The following MDN1 variants were observed in gnomAD, a reference collection of about 807,000 sequenced individuals.
The protein encoded by MDN1 is midasin.
In MDN1, 266 loss-of-function variants were observed where a neutral mutation model predicts 669.2. That is an observed-to-expected ratio of 0.40 (90% CI 0.36 to 0.44). MDN1 has a LOEUF of 0.44. Among genes scored for constraint, MDN1 ranks in the 20% least tolerant of loss-of-function variants. The pLI is 1.00. For missense variants in MDN1, 5,940 were observed against 6,754.0 expected (o/e 0.88, Z 4.22); for synonymous variants, 2,385 against 2,457.1 (o/e 0.97, Z 0.87).
chr6:89,694,839 C>A (rs1228511470), intron 61 of MDN1, among the ~76,000 whole-genome samples: 6 of 152,106 alleles, frequency 3.9e-5, no homozygotes, highest in Admixed American at 3.3e-4. Context: ...AGGGTGAGGC[C>A]ACCACACCCA....
intron 26 of MDN1, 144 bp from the exon 27 acceptor site, chr6:89,747,614 G>T: frequency 1.0e-6 from 1 of 978,706 alleles, no homozygotes; most frequent in Non-Finnish European, 1.5e-6. Context: ...TTTTTTGGCC[G>T]GGCGTGGTGG....
Position 89,734,687 on chromosome 6 carries a change from A to C in MDN1, c.4724-1912T>G, listed in dbSNP as rs1352352117. Among the ~76,000 whole-genome samples, 3 of 54,788 alleles carry C rather than the reference A, an allele frequency of 5.5e-5. No homozygotes were observed. The East Asian group carries it at 5.9e-3, about 108-fold the overall frequency. The allele number at this position is 54,788 out of a possible 152,430, so 35.9% of individuals were successfully genotyped here. ...AGGAAGAAGAAAAAAAAAAAAAAAA[A>C]AACAAGAGAGAGAGAGAGAGAGAGA... On this transcript the variant is annotated intron_variant, in intron 33 of 101. Transcript: ENST00000369393.
intron 15 of MDN1, among the ~76,000 whole-genome samples, chr6:89,767,802 T>C (rs1817872895): frequency 6.6e-6 from 1 of 151,774 alleles, no homozygotes; most frequent in African/African-American, 2.4e-5. Context: ...TCCCAGCCCT[T>C]TGGGAGGTCA....
rs1448283514 is a variant in MDN1 at position 89,787,858 on chromosome 6, T to A, written c.1330A>T (p.Arg444Trp). Residue 444 changes from arginine to tryptophan, a missense_variant, in exon 8 of 102, where the codon AGG becomes TGG. Arg to Trp is a moderately radical substitution (Grantham distance 101). Transcript: ENST00000369393. ...VAPGFQFFAT[R>W]RLLSCGGNWY... ...AGAAAGGTTACTAGTACATACCTCC[T>A]GGTTGCAAAAAACTGAAATCCAGGT... The A allele has an allele frequency of 6.2e-7, 1 of 1,612,196 alleles. No homozygotes were observed. Among genetic ancestry groups the A allele is most frequent in the Non-Finnish European group, 8.5e-7 (1 of 1,179,212 alleles).
intron 1 of MDN1, among the ~76,000 whole-genome samples, chr6:89,806,244 T>C (rs922919590): frequency 3.3e-5 from 5 of 151,994 alleles, no homozygotes; most frequent in Non-Finnish European, 7.4e-5. Flanking sequence ...GGCCCCATTT[T>C]TTAAATAATA....
Position 89,653,048 on chromosome 6 carries a change from T to G in MDN1, c.15769A>C (p.Ser5257Arg). The change falls in exon 94 of 102, where the codon AGC becomes CGC. Residue 5257 changes from serine (S) to arginine (R), a missense_variant. By Grantham distance (110) the Ser-to-Arg change is moderately radical. Transcript: ENST00000369393. ...KETENEKPER[S>R]RESTIHTAHQ... ...GCTGTATGAATGGTAGACTCTCGGC[T>G]TCTTTCTGGTTTCTCATTTTCTGTC... 1 of 1,614,192 alleles carries G rather than the reference T, an allele frequency of 6.2e-7. No homozygotes were observed. The highest frequency in any genetic ancestry group is 8.5e-7 in the Non-Finnish European group (1 of 1,180,032).
In MDN1 at chr6:89,811,084, C is replaced by T. The variant is rs552451125; in HGVS notation, c.103-7530G>A. On this transcript the variant is annotated intron_variant, in intron 1 of 101. Transcript: ENST00000369393. ...CACATTCAGGTATTATAGACTAGGA[C>T]TTCTAAGTATATTTTTGACAGACAC... is the stretch of plus-strand genomic sequence containing the variant. Among the ~76,000 whole-genome samples the T allele has an allele frequency of 5.6e-4, 86 of 152,302 alleles. 1 individual carries two copies. The highest frequency in any genetic ancestry group is 2.0e-3 in the African/African-American group (82 of 41,566).
At chr6:89,757,503 A>C (rs1002954621) in intron 19 of MDN1, among the ~76,000 whole-genome samples, 2 of 152,346 alleles carry the variant, frequency 1.3e-5, no homozygotes, top group Non-Finnish European at 2.9e-5. Context: ...GAAGATTCCC[A>C]TATGCCTACC....
chr6:89,744,493 C>T (rs1425053279), intron 29 of MDN1, among the ~76,000 whole-genome samples: 2 of 151,574 alleles, frequency 1.3e-5, no homozygotes, highest in Admixed American at 6.6e-5. Flanking sequence ...ATCTCTGCCT[C>T]CCAGGCTCAA....
chr6:89,643,726 G>C lies in MDN1; in HGVS notation c.*279C>G, dbSNP rs1808302930. Reference sequence around the variant, plus strand: ...CAGGCAGCTGGGCTCCAACGGTGGGGTATGACCTCCTCCCAGGCCAGGGCT... The same window carrying C: ...CAGGCAGCTGGGCTCCAACGGTGGGCTATGACCTCCTCCCAGGCCAGGGCT... On this transcript the variant is annotated 3_prime_UTR_variant, in exon 102 of 102. Coordinates refer to ENST00000369393, the MANE Select transcript of MDN1 (RefSeq NM_014611.3). 3.3e-6 allele frequency: 1 copy of C among 306,650 alleles called. No individual in the cohort carries two copies. The allele number at this position is 306,650 out of a possible 1,614,324, so 19.0% of individuals were successfully genotyped here. A position where few individuals can be genotyped will look rare whatever the true frequency, so the allele number is the denominator to read the frequency against.
intron 76 of MDN1, 55 bp downstream of exon 76, chr6:89,677,515 T>A: frequency 6.2e-7 from 1 of 1,605,018 alleles, no homozygotes; most frequent in Non-Finnish European, 8.5e-7. Context: ...CAAGGAGTTC[T>A]AAATTACTTG....
chr6:89,745,147 A>AAG lies in MDN1; in HGVS notation c.4178+125_4178+126insCT, dbSNP rs200262090. 3.7e-3 allele frequency: 3,741 copies of AAG among 1,002,688 alleles called. 133 individuals carry two copies. The African/African-American group carries it at 0.056, about 15-fold the overall frequency. 62.1% of individuals were successfully genotyped at this position (1,002,688 alleles called of 1,614,324 possible). A position where few individuals can be genotyped will look rare whatever the true frequency, so the allele number is the denominator to read the frequency against. ...TTAGTCTCTTCTTAAAAAAAAAAAA[A>AAG]AAAAAGAAAAAAGAGGAAGGAGGAA... On this transcript the variant is annotated intron_variant, in intron 29 of 101. Coordinates refer to ENST00000369393, the MANE Select transcript of MDN1 (RefSeq NM_014611.3).
intron 93 of MDN1, 78 bp downstream of exon 93, chr6:89,654,086 G>A (rs773097645): frequency 4.7e-6 from 7 of 1,489,976 alleles, no homozygotes; most frequent in Non-Finnish European, 4.6e-6. Context: ...CTGAACACCA[G>A]ACTAGATTAT....
intron 31 of MDN1, among the ~76,000 whole-genome samples, chr6:89,740,954 G>A (rs531125391): frequency 3.7e-4 from 56 of 152,312 alleles, no homozygotes; most frequent in African/African-American, 1.3e-3. Flanking sequence ...ATTGTAGGCC[G>A]GGCGCAGTGA....
At chr6:89,685,104 A>C (rs1811917259) in intron 70 of MDN1, 119 bp from the exon 71 acceptor site, 1 of 610,940 alleles carries the variant, frequency 1.6e-6, no homozygotes, top group Admixed American at 3.0e-5. Flanking sequence ...CCATGAGATT[A>C]CAGTGAGTTT....
In MDN1 at chr6:89,653,044, C is replaced by G; in HGVS notation, c.15773G>C (p.Arg5258Pro). 1 of 1,614,114 alleles carries G rather than the reference C, an allele frequency of 6.2e-7. No individual in the cohort carries two copies. Among genetic ancestry groups the G allele is most frequent in the South Asian group, 1.1e-5 (1 of 91,076 alleles). Residue 5258 changes from arginine (R) to proline (P), a missense_variant, in exon 94 of 102, where the codon CGA (arginine) becomes CCA (proline). Arg to Pro is a moderately radical substitution (Grantham distance 103). Transcript: ENST00000369393. ...ATGAGCTGTATGAATGGTAGACTCT[C>G]GGCTTCTTTCTGGTTTCTCATTTTC... ...ETENEKPERS[R>P]ESTIHTAHQF...
chr6:89,803,033 G>A (rs574609920), intron 2 of MDN1, among the ~76,000 whole-genome samples: 11 of 152,250 alleles, frequency 7.2e-5, no homozygotes, highest in East Asian at 1.9e-4. Flanking sequence ...CATTTACTCC[G>A]CTGTATATGC....
rs374430430 is a variant in MDN1, at chr6:89,771,511, C to T, written c.2144+50G>A. The stretch of plus-strand genomic sequence containing the variant: ...AACACTAAGAAAACAGTATTTCTTA[C>T]CTCAAGCAATAAACACAAAAATAAG... On this transcript the variant is annotated intron_variant, in intron 15 of 101. Coordinates refer to ENST00000369393, the MANE Select transcript of MDN1 (RefSeq NM_014611.3). The T allele has an allele frequency of 1.7e-4, 244 of 1,474,730 alleles. No individual in the cohort carries two copies. The African/African-American group carries it at 3.3e-3, about 20-fold the overall frequency. The allele number at this position is 1,474,730 out of a possible 1,614,324, so 91.4% of individuals were successfully genotyped here. A position where few individuals can be genotyped will look rare whatever the true frequency, so the allele number is the denominator to read the frequency against.
intron 3 of MDN1, 87 bp from the exon 4 acceptor site, chr6:89,794,294 A>G: frequency 1.3e-6 from 1 of 759,404 alleles, no homozygotes; most frequent in East Asian, 2.6e-5. Context: ...TGAACACTAG[A>G]AAAGGAAATC....
Sources: allele counts gnomAD v4.1 joint callset (sites outside exome capture counted in the v4.1 genomes callset), GRCh38; gene constraint gnomAD v4.1.1; transcripts MANE v1.5; gene names NCBI Gene and HGNC (gene_info 2026-07-23, HGNC 2026-07-21).